Variants in DIP2A observed in about 807,000 individuals in gnomAD.
The protein encoded by DIP2A is disco-interacting protein 2 homolog A.
In DIP2A, 85 loss-of-function variants were observed where a neutral mutation model predicts 177.4. The ratio of observed to expected loss-of-function variants is 0.48; its 90% CI spans 0.40 to 0.57. The LOEUF is 0.57. Among genes scored for constraint, DIP2A ranks in the 20% least tolerant of loss-of-function variants. DIP2A has a pLI of 0.00. For missense variants in DIP2A, 1,791 were observed against 2,100.2 expected (o/e 0.85, Z 2.88); for synonymous variants, 886 against 881.8 (o/e 1.00, Z -0.08).
chr21:46,547,559 T>C (rs1462422803), intron 21 of DIP2A, among the ~76,000 whole-genome samples: 3 of 152,120 alleles, frequency 2.0e-5, no homozygotes, highest in Admixed American at 6.5e-5. Context: ...ATTTTGCTTC[T>C]TCTACTCCCA....
intron 1 of DIP2A, among the ~76,000 whole-genome samples, chr21:46,471,088 T>G (rs1181865073): frequency 6.6e-6 from 1 of 152,132 alleles, no homozygotes; most frequent in South Asian, 2.1e-4. Context: ...CAGGCTGGAG[T>G]GCAGTAGCAC....
chr21:46,540,913 G>T (rs773764129), intron 17 of DIP2A, among the ~76,000 whole-genome samples: 6 of 151,698 alleles, frequency 4.0e-5, no homozygotes, highest in Non-Finnish European at 8.8e-5. Context: ...TACTCGGGAG[G>T]CTGAGGCAGG....
Position 46,534,598 on chromosome 21 carries a change from AAG to A in DIP2A, c.1555_1556del (p.Glu519ArgfsTer30). On this transcript the variant is annotated frameshift_variant, in exon 13 of 38. Transcript: ENST00000417564. LOFTEE classifies it high-confidence loss of function. ...GAAATCTTTCAGTATAAAACCAGCA[AAG>A]AAGGCAGTACGGTGGGGGTCACAGT... 6.2e-7 allele frequency: 1 copy of A among 1,613,660 alleles called. No homozygotes were observed. Among genetic ancestry groups the A allele is most frequent in the Non-Finnish European group, 8.5e-7 (1 of 1,179,872 alleles).
rs760043282 is a variant in DIP2A, at chr21:46,558,600, A to G, written c.3969+207A>G. 5.5e-5 allele frequency: 33 copies of G among 596,932 alleles called. 1 individual carries two copies. The South Asian group carries it at 6.7e-4, about 12-fold the overall frequency. 37.0% of individuals were successfully genotyped at this position (596,932 alleles called of 1,614,324 possible). ...TCTAGTTGGAGAAAGGCTTATTTGGAAAAAAAACACATTGTTTTTGAACAG... is the reference window on the plus strand; with the variant it reads ...TCTAGTTGGAGAAAGGCTTATTTGGGAAAAAAACACATTGTTTTTGAACAG... On this transcript the variant is annotated intron_variant, in intron 32 of 37. Transcript: ENST00000417564.
Position 46,563,243 on chromosome 21 carries a change from T to C in DIP2A, c.4090-615T>C, listed in dbSNP as rs1202749655. On this transcript the variant is annotated intron_variant, in intron 34 of 37. Transcript: ENST00000417564. This position sits in a 1 kb window ranked among gnomAD's most constrained non-coding sequence, Gnocchi z 4.3. ...CCTCTTGCCTGCCCTGAGCCTGCAG[T>C]GTCATTGCCCCCATTTCATACGTGA... Among the ~76,000 whole-genome samples, 1 of 152,130 alleles carries C rather than the reference T, an allele frequency of 6.6e-6. No homozygotes were observed. The highest frequency in any genetic ancestry group is 1.9e-4 in the East Asian group (1 of 5,188).
At chr21:46,459,392 C>T (rs914571275) in intron 1 of DIP2A, among the ~76,000 whole-genome samples, 170 bp downstream of exon 1, 1 of 149,810 alleles carries the variant, frequency 6.7e-6, no homozygotes, top group Non-Finnish European at 1.5e-5. Flanking sequence ...AACGGGACCC[C>T]GGTTCCTCTA....
chr21:46,471,642 A>G (rs2839272), intron 1 of DIP2A, among the ~76,000 whole-genome samples: 25,802 of 152,166 alleles, frequency 0.17, 3,920 homozygotes, highest in African/African-American at 0.41. Flanking sequence ...AAGACACAAC[A>G]CTTAAAAATA....
chr21:46,556,178 C>A lies in DIP2A; in HGVS notation c.3498+87C>A. The stretch of plus-strand genomic sequence containing the variant: ...GATGTCAGATGCAGATTTAAACTGA[C>A]AGGTCCTTCTTATGCAAAGCACAAA... On this transcript the variant is annotated intron_variant, in intron 29 of 37. Transcript: ENST00000417564. This position sits in a 1 kb window ranked among gnomAD's most constrained non-coding sequence, Gnocchi z 4.5. The A allele has an allele frequency of 7.1e-7, 1 of 1,417,930 alleles. No individual in the cohort carries two copies. The highest frequency in any genetic ancestry group is 9.9e-7 in the Non-Finnish European group (1 of 1,008,616). 87.8% of individuals were successfully genotyped at this position (1,417,930 alleles called of 1,614,324 possible). A position where few individuals can be genotyped will look rare whatever the true frequency, so the allele number is the denominator to read the frequency against.
intron 34 of DIP2A, among the ~76,000 whole-genome samples, chr21:46,562,385 A>G (rs2060695492): frequency 6.6e-6 from 1 of 152,230 alleles, no homozygotes; most frequent in Non-Finnish European, 1.5e-5. Flanking sequence ...GGAAGGCAGC[A>G]TGAAGAGTAA....
the DIP2A span, among the ~76,000 whole-genome samples, chr21:46,583,793 C>T: frequency 2.0e-5 from 3 of 152,204 alleles, no homozygotes; most frequent in African/African-American, 7.2e-5. Flanking sequence ...GCACAAGGGT[C>T]CTGCCAGATG....
At chr21:46,463,606 A>G (rs957708063) in intron 1 of DIP2A, among the ~76,000 whole-genome samples, 18 of 152,314 alleles carry the variant, frequency 1.2e-4, no homozygotes, top group Middle Eastern at 6.8e-3. Context: ...AACTCTGGGT[A>G]TACAGGAAGA....
At chr21:46,546,842 G>C in intron 20 of DIP2A, 73 bp from the exon 21 acceptor site, 2 of 1,564,252 alleles carry the variant, frequency 1.3e-6, no homozygotes, top group Admixed American at 1.8e-5. Context: ...TTCTTGGGGG[G>C]CCTGACCATG....
chr21:46,532,575 G>T (rs966309412), intron 10 of DIP2A, among the ~76,000 whole-genome samples: 2 of 152,038 alleles, frequency 1.3e-5, no homozygotes, highest in Non-Finnish European at 2.9e-5. Flanking sequence ...GATTCAATAA[G>T]ATTTTGTTCA....
chr21:46,576,969 T>A, the DIP2A span, among the ~76,000 whole-genome samples: 1 of 152,336 alleles, frequency 6.6e-6, no homozygotes, highest in African/African-American at 2.4e-5. Flanking sequence ...CACTTTTTAA[T>A]GAGGTTGGTT....
At position 46,558,369 on chromosome 21, in the gene DIP2A, G is replaced by T; in HGVS notation, c.3945G>T (p.Arg1315Ser). 6.3e-7 allele frequency: 1 copy of T among 1,596,706 alleles called. No homozygotes were observed. Among genetic ancestry groups the T allele is most frequent in the Non-Finnish European group, 8.5e-7 (1 of 1,173,548 alleles). The stretch of plus-strand genomic sequence containing the variant: ...CCGTAAGCACCACGTTCGGGTGCAG[G>T]GTCAACGTGGCCATCTGCCTCCAGG... ...ARAVSTTFGC[R>S]VNVAICLQGT... Residue 1315 changes from arginine (R) to serine (S), a missense_variant, in exon 32 of 38, where the codon AGG (arginine) becomes AGT (serine). Physicochemically the swap from Arg to Ser is moderately radical, Grantham distance 110. Transcript: ENST00000417564.
intron 1 of DIP2A, among the ~76,000 whole-genome samples, chr21:46,464,580 A>G (rs1268081073): frequency 6.6e-6 from 1 of 152,184 alleles, no homozygotes; most frequent in South Asian, 2.1e-4. Flanking sequence ...TTAAGGTACT[A>G]GCATCTAGCA....
In DIP2A at chr21:46,551,705, G is replaced by A. The variant is rs749915156; in HGVS notation, c.2911G>A (p.Glu971Lys). 6.2e-7 allele frequency: 1 copy of A among 1,614,016 alleles called. No homozygotes were observed. Among genetic ancestry groups the A allele is most frequent in the East Asian group, 2.2e-5 (1 of 44,888 alleles). ...GKRIAQASGR[E>K]LAHLEDSDQA... ...GAGAATCGCTCAGGCTTCCGGGAGAGAGCTCGCCCACCTGGAGGACAGCGA... is the reference window on the plus strand; with the variant it reads ...GAGAATCGCTCAGGCTTCCGGGAGAAAGCTCGCCCACCTGGAGGACAGCGA... The change falls in exon 24 of 38, where the codon GAG becomes AAG. Residue 971 changes from glutamate to lysine, a missense_variant. Physicochemically the swap from Glu to Lys is moderately conservative, Grantham distance 56. Coordinates refer to ENST00000417564, the MANE Select transcript of DIP2A (RefSeq NM_015151.4).
At chr21:46,492,744 C>T (rs1002634584) in intron 3 of DIP2A, among the ~76,000 whole-genome samples, 1 of 152,118 alleles carries the variant, frequency 6.6e-6, no homozygotes, top group Admixed American at 6.5e-5. Flanking sequence ...AGGCGGAGAC[C>T]AGCCTGGCCA....
At chr21:46,558,646 C>G (rs185636799) in intron 32 of DIP2A, 21 of 519,596 alleles carry the variant, frequency 4.0e-5, no homozygotes, top group Admixed American at 6.9e-5. Flanking sequence ...CTGTAAGACT[C>G]TCTAAGTTAG....
Sources: allele counts gnomAD v4.1 joint callset (sites outside exome capture counted in the v4.1 genomes callset), GRCh38; gene constraint gnomAD v4.1.1; non-coding constraint Gnocchi (gnomAD v3.1); transcripts MANE v1.5; gene names NCBI Gene and HGNC (gene_info 2026-07-23, HGNC 2026-07-21).